Variants in RUFY2 observed in about 807,000 individuals in gnomAD.
RUFY2 encodes RUN and FYVE domain containing 2, also known as RUN and FYVE domain-containing protein 2.
A neutral mutation model predicts 94.4 loss-of-function variants in RUFY2; 49 were observed. That is an observed-to-expected ratio of 0.52 (90% CI 0.41 to 0.66). The LOEUF is 0.66. RUFY2 is among the 30% of genes least tolerant of loss of function. The pLI is 0.00. For missense variants in RUFY2, 541 were observed against 692.8 expected, an observed-to-expected ratio of 0.78 and a Z score of 2.46; for synonymous variants, 255 against 235.7, an observed-to-expected ratio of 1.08 and a Z score of -0.75.
chr10:68,383,355 A>G (rs1248768938), intron 10 of RUFY2, among the ~76,000 whole-genome samples: 1 of 151,618 alleles, frequency 6.6e-6, no homozygotes, highest in East Asian at 1.9e-4. Context: ...GCAGTGGCTC[A>G]CGCCTGTAAT....
At chr10:68,393,978 C>T in intron 6 of RUFY2, 97 bp downstream of exon 6, 1 of 1,425,058 alleles carries the variant, frequency 7.0e-7, no homozygotes, top group South Asian at 1.4e-5. Context: ...GGGAAAACAA[C>T]AAAATAAAAC....
intron 3 of RUFY2, among the ~76,000 whole-genome samples, 155 bp downstream of exon 3, chr10:68,401,465 T>G (rs1428163998): frequency 6.6e-6 from 1 of 152,176 alleles, no homozygotes; most frequent in East Asian, 1.9e-4. Context: ...GGATTTGAGT[T>G]GAGCCATAAA....
At chr10:68,374,599 A>G (rs1279168482) in intron 13 of RUFY2, among the ~76,000 whole-genome samples, 1 of 152,200 alleles carries the variant, frequency 6.6e-6, no homozygotes, top group Non-Finnish European at 1.5e-5. Context: ...ATCCCTCAAT[A>G]ATTAAAAACT....
In RUFY2 at chr10:68,383,788, T is replaced by A. The variant is rs370582559; in HGVS notation, c.939+10A>T. ...ATGATCTTGCTAATGTAATTTTTAA[T>A]ATAACCTACCTGTCGTAACTGAGAT... On this transcript the variant is annotated intron_variant, in intron 10 of 17. Transcript: ENST00000602465. The A allele has an allele frequency of 1.3e-6, 2 of 1,561,772 alleles. No homozygotes were observed. Among genetic ancestry groups the A allele is most frequent in the East Asian group, 4.5e-5 (2 of 44,658 alleles).
chr10:68,346,071 A>G lies in RUFY2; in HGVS notation c.1613T>C (p.Leu538Pro), dbSNP rs1485095694. Residue 538 changes from leucine to proline, a missense_variant, in exon 17 of 18, where the codon CTG (leucine) becomes CCG (proline). This residue lies in a region of RUFY2 where 403 missense variants were observed against 480.7 expected (regional missense o/e 0.84). Transcript: ENST00000602465. ...ACAATGTGTTGCTTCTTTGTCTTTC[A>G]GCCAAACCAGTCCCTAGTAGGAAGA... is the stretch of plus-strand genomic sequence containing the variant. ...ANKALQGLVW[L>P]KDKEATHCKL... 6.2e-7 allele frequency: 1 copy of G among 1,613,166 alleles called. No homozygotes were observed. Among genetic ancestry groups the G allele is most frequent in the South Asian group, 1.1e-5 (1 of 90,942 alleles).
intron 13 of RUFY2, among the ~76,000 whole-genome samples, chr10:68,371,068 C>T (rs1278308011): frequency 6.9e-6 from 1 of 145,442 alleles, no homozygotes; most frequent in Non-Finnish European, 1.5e-5. Context: ...GGAGGCGGAG[C>T]TTGCAGTGAG....
chr10:68,381,408 T>G lies in RUFY2; in HGVS notation c.940-9A>C, dbSNP rs760550018. The G allele has an allele frequency of 3.1e-6, 5 of 1,604,502 alleles. No individual in the cohort carries two copies. The highest frequency in any genetic ancestry group is 3.4e-6 in the Non-Finnish European group (4 of 1,176,702). On this transcript the variant is annotated splice_polypyrimidine_tract_variant and intron_variant, in intron 10 of 17. Transcript: ENST00000602465. ...AGCTCATTCTCTACATCCTGCAATT[T>G]CAATGTATCCTCAATTCACATGCCA...
intron 1 of RUFY2, chr10:68,405,322 A>AAG (rs1199254682): frequency 1.0e-4 from 33 of 320,536 alleles, no homozygotes; most frequent in South Asian, 2.5e-4. Context: ...ACAAAAAAAA[A>AAG]AAAAAGAAAA....
chr10:68,393,855 C>A (rs761955337), intron 6 of RUFY2: 27 of 978,360 alleles, frequency 2.8e-5, no homozygotes, highest in Non-Finnish European at 3.6e-5. Context: ...ACAGGTATAA[C>A]CAAAGGTCCC....
chr10:68,360,717 C>T (rs1487837767), intron 15 of RUFY2, among the ~76,000 whole-genome samples: 2 of 152,070 alleles, frequency 1.3e-5, no homozygotes, highest in African/African-American at 2.4e-5. Context: ...CACTGCACTC[C>T]AGCCTGGGCG....
chr10:68,348,243 T>C (rs958960438), intron 16 of RUFY2, among the ~76,000 whole-genome samples: 3 of 151,212 alleles, frequency 2.0e-5, no homozygotes, highest in Non-Finnish European at 4.4e-5. Context: ...ACACCTGTAA[T>C]CCCAGCACTT....
intron 3 of RUFY2, among the ~76,000 whole-genome samples, chr10:68,399,184 T>C (rs2050628893): frequency 6.6e-6 from 1 of 151,856 alleles, no homozygotes; most frequent in South Asian, 2.1e-4. Flanking sequence ...GCTGGGACTA[T>C]AGGCGTGCAC....
At chr10:68,356,739 G>A (rs148800765) in intron 15 of RUFY2, among the ~76,000 whole-genome samples, 3,495 of 151,700 alleles carry the variant, frequency 0.023, 130 homozygotes, top group African/African-American at 0.079. Context: ...AGTAGAGACC[G>A]GGTTTCACCA....
rs774115461 is a variant in RUFY2, at chr10:68,344,286, TAAG to T, written c.*1479_*1481del. The T allele has an allele frequency of 2.0e-5, 3 of 152,332 alleles. No individual in the cohort carries two copies. The highest frequency in any genetic ancestry group is 2.1e-4 in the South Asian group (1 of 4,826). The allele number at this position is 152,332 out of a possible 1,614,324, so 9.4% of individuals were successfully genotyped here. A position where few individuals can be genotyped will look rare whatever the true frequency, so the allele number is the denominator to read the frequency against. On this transcript the variant is annotated 3_prime_UTR_variant, in exon 18 of 18. Transcript: ENST00000602465. The stretch of plus-strand genomic sequence containing the variant: ...TGAAGAAAAGATCCTGCAGTATTAA[TAAG>T]AACTCCTTTGTAGGCAGGGAGGTAC...
chr10:68,352,257 A>C (rs886109801), intron 16 of RUFY2, among the ~76,000 whole-genome samples: 5 of 152,122 alleles, frequency 3.3e-5, no homozygotes, highest in African/African-American at 1.2e-4. Flanking sequence ...TACCATGCCT[A>C]GTCTCCAGAT....
intron 13 of RUFY2, among the ~76,000 whole-genome samples, chr10:68,376,440 G>GTATATATATATATA (rs1203390579): frequency 2.1e-5 from 1 of 48,224 alleles, no homozygotes; most frequent in Non-Finnish European, 4.9e-5. Flanking sequence ...AAAAAAATGT[G>GTATATATATATATA]TGTATATATA....
intron 16 of RUFY2, among the ~76,000 whole-genome samples, chr10:68,353,330 CGAA>C (rs2046824105): frequency 7.5e-6 from 1 of 132,558 alleles, no homozygotes; most frequent in Admixed American, 7.8e-5. Context: ...GACCCTGTCT[CGAA>C]AAAAAAAAAA....
At chr10:68,396,912 A>T in intron 3 of RUFY2, 31 bp from the exon 4 acceptor site, 1 of 1,439,824 alleles carries the variant, frequency 6.9e-7, no homozygotes. Flanking sequence ...ATCAGAAAAC[A>T]GCCCTAGCCC....
intron 1 of RUFY2, chr10:68,405,558 G>T: frequency 5.4e-6 from 4 of 738,200 alleles, no homozygotes; most frequent in Admixed American, 1.3e-4. Flanking sequence ...ACGGTCTTAG[G>T]ATGAATTCCA....
Sources: gnomAD v4.1 joint callset for allele counts (sites outside exome capture counted in the v4.1 genomes callset) on GRCh38, gnomAD v4.1.1 for gene constraint, gnomAD v4.1.1 regional missense constraint, MANE v1.5 for transcripts, NCBI Gene and HGNC (gene_info 2026-07-23, HGNC 2026-07-21) for gene names.